CA5A: variants seen among roughly 807,000 people sequenced by gnomAD.
CA5A encodes the protein carbonic anhydrase 5A, mitochondrial.
CA5A carries 28 observed loss-of-function variants against 37.1 expected under a neutral mutation model. The observed-to-expected ratio is 0.75, with a 90% CI of 0.56 to 1.03. The LOEUF is 1.03. Among genes scored for constraint, CA5A ranks in the 50% least tolerant of loss-of-function variants. The pLI is 0.00. For synonymous variants in CA5A, 171 were observed against 158.4 expected (o/e 1.08, Z -0.60); for missense variants, 444 against 399.9 (o/e 1.11, Z -0.94).
chr16:87,899,918 TC>T (rs1336495231), intron 5 of CA5A, among the ~76,000 whole-genome samples: 1 of 27,392 alleles, frequency 3.7e-5, no homozygotes, highest in Non-Finnish European at 6.0e-5. Flanking sequence ...AGATTTTATC[TC>T]AAAAAAAAAA....
intron 5 of CA5A, among the ~76,000 whole-genome samples, chr16:87,896,409 C>T (rs1272054472): frequency 6.6e-6 from 1 of 152,208 alleles, no homozygotes; most frequent in African/African-American, 2.4e-5. Context: ...GCTGGAGCAG[C>T]CATGTGGTTA....
chr16:87,928,286 C>G (rs916534760), intron 1 of CA5A, among the ~76,000 whole-genome samples: 1 of 152,208 alleles, frequency 6.6e-6, no homozygotes, highest in Non-Finnish European at 1.5e-5. Context: ...ACCTCAGCCT[C>G]CTGAGCAGCT....
At chr16:87,900,380 C>T (rs2055861828) in intron 5 of CA5A, among the ~76,000 whole-genome samples, 1 of 152,182 alleles carries the variant, frequency 6.6e-6, no homozygotes, top group Non-Finnish European at 1.5e-5. Context: ...AGGAGGCCAC[C>T]CCGAAGCCAG....
At chr16:87,901,035 G>A (rs1298702117) in intron 5 of CA5A, among the ~76,000 whole-genome samples, 1 of 152,238 alleles carries the variant, frequency 6.6e-6, no homozygotes, top group Non-Finnish European at 1.5e-5. Flanking sequence ...AGACCAGCCA[G>A]CCTGGCCAAC....
intron 1 of CA5A, among the ~76,000 whole-genome samples, chr16:87,934,654 G>T (rs115657647): frequency 0.019 from 2,954 of 151,498 alleles, 91 homozygotes; most frequent in African/African-American, 0.069. Context: ...CGCTCTTGAC[G>T]GTCGTACTAA....
chr16:87,884,261 C>CAAAAAAAAAG (rs2055630912), downstream of CA5A: 1 of 26,798 alleles, frequency 3.7e-5, no homozygotes, highest in African/African-American at 1.1e-4. Flanking sequence ...ACTAAAAATG[C>CAAAAAAAAAG]AAAAAAAAAA....
intron 2 of CA5A, among the ~76,000 whole-genome samples, chr16:87,919,881 G>A (rs2056207191): frequency 6.6e-6 from 1 of 152,150 alleles, no homozygotes; most frequent in African/African-American, 2.4e-5. Flanking sequence ...ATCGGTGACT[G>A]CACCTTCAAA....
chr16:87,897,967 A>G (rs1360059663), intron 5 of CA5A, among the ~76,000 whole-genome samples: 1 of 152,168 alleles, frequency 6.6e-6, no homozygotes, highest in Non-Finnish European at 1.5e-5. Context: ...GGTAAACAGG[A>G]TGCCGCAGGA....
At chr16:87,915,111 A>G (rs1468115137) in intron 2 of CA5A, among the ~76,000 whole-genome samples, 1 of 152,076 alleles carries the variant, frequency 6.6e-6, no homozygotes, top group Non-Finnish European at 1.5e-5. Context: ...GCTCGATGAA[A>G]CCTCGACTCG....
chr16:87,934,738 C>A (rs1227919131), intron 1 of CA5A, among the ~76,000 whole-genome samples: 1 of 152,088 alleles, frequency 6.6e-6, no homozygotes, highest in Admixed American at 6.5e-5. Flanking sequence ...GGCAGGTAGA[C>A]CACCTGAGGT....
intron 2 of CA5A, among the ~76,000 whole-genome samples, chr16:87,915,238 C>T (rs746243106): frequency 1.3e-5 from 2 of 152,332 alleles, no homozygotes; most frequent in East Asian, 3.9e-4. Context: ...TTCGAAGCTC[C>T]ACCAAACTCC....
chr16:87,933,760 A>AT (rs2056437211), intron 1 of CA5A, among the ~76,000 whole-genome samples: 1 of 152,124 alleles, frequency 6.6e-6, no homozygotes, highest in Non-Finnish European at 1.5e-5. Flanking sequence ...TTTTTCAATA[A>AT]TTTTTAGTAA....
intron 2 of CA5A, among the ~76,000 whole-genome samples, chr16:87,909,138 G>T (rs1240193710): frequency 1.3e-5 from 2 of 151,950 alleles, no homozygotes; most frequent in Non-Finnish European, 2.9e-5. Flanking sequence ...GCCTCTCACA[G>T]AATTCTTTAC....
chr16:87,917,010 C>T (rs139159204), intron 2 of CA5A, among the ~76,000 whole-genome samples: 1 of 149,874 alleles, frequency 6.7e-6, no homozygotes, highest in African/African-American at 2.5e-5. Context: ...GAGGCTGAGG[C>T]AGGAGAATGG....
intron 2 of CA5A, among the ~76,000 whole-genome samples, chr16:87,924,642 G>A (rs1391449902): frequency 6.6e-6 from 1 of 152,266 alleles, no homozygotes; most frequent in East Asian, 1.9e-4. Context: ...ACCATGTCAT[G>A]ACGAAGCTGG....
At chr16:87,888,717 C>A (rs1272583603) in intron 6 of CA5A, among the ~76,000 whole-genome samples, 1 of 152,128 alleles carries the variant, frequency 6.6e-6, no homozygotes, top group African/African-American at 2.4e-5. Context: ...AAATTCACAA[C>A]CCAAGGAAAC....
chr16:87,911,786 C>T lies in CA5A; in HGVS notation c.341-6882G>A, dbSNP rs1201776289. On this transcript the variant is annotated intron_variant, in intron 2 of 6. Coordinates refer to ENST00000649794, the MANE Select transcript of CA5A (RefSeq NM_001739.2). This position sits in a 1 kb window ranked among gnomAD's most constrained non-coding sequence, Gnocchi z 4.6. ...AAGCCAGGCAAATGTGGGCTCCAATCCTGGCTTCACACGGTGGGGCTTTGC... is the reference window on the plus strand; with the variant it reads ...AAGCCAGGCAAATGTGGGCTCCAATTCTGGCTTCACACGGTGGGGCTTTGC... 6.6e-6 allele frequency among the ~76,000 whole-genome samples: 1 copy of T among 152,202 alleles called. No individual in the cohort carries two copies. The highest frequency in any genetic ancestry group is 2.1e-4 in the South Asian group (1 of 4,832).
chr16:87,911,748 G>C lies in CA5A; in HGVS notation c.341-6844C>G, dbSNP rs558084935. On this transcript the variant is annotated intron_variant, in intron 2 of 6. Coordinates refer to ENST00000649794, the MANE Select transcript of CA5A (RefSeq NM_001739.2). The surrounding 1 kb of genome is among the most constrained non-coding windows in gnomAD (Gnocchi z 4.6). Reference sequence around the variant, plus strand: ...TTAGCCTCTGAGACCATCACATATTGGCACTGGTTTGAAAGCCAGGCAAAT... The same window carrying C: ...TTAGCCTCTGAGACCATCACATATTCGCACTGGTTTGAAAGCCAGGCAAAT... Among the ~76,000 whole-genome samples, 44 of 152,288 alleles carry C rather than the reference G, an allele frequency of 2.9e-4. No homozygotes were observed. The highest frequency in any genetic ancestry group is 1.9e-3 in the Admixed American group (29 of 15,300).
intron 2 of CA5A, among the ~76,000 whole-genome samples, chr16:87,925,325 G>A (rs934740936): frequency 6.6e-6 from 1 of 152,280 alleles, no homozygotes; most frequent in South Asian, 2.1e-4. Context: ...TGGGCTGTCC[G>A]GAGGGCCCCA....
Sources: allele counts gnomAD v4.1 joint callset (sites outside exome capture counted in the v4.1 genomes callset), GRCh38; gene constraint gnomAD v4.1.1; non-coding constraint Gnocchi (gnomAD v3.1); transcripts MANE v1.5; gene names NCBI Gene and HGNC (gene_info 2026-07-23, HGNC 2026-07-21).